The following PPP2R2B variants were observed in gnomAD, a reference collection of about 807,000 sequenced individuals.
PPP2R2B encodes the protein protein phosphatase 2 regulatory subunit Bbeta, also known as serine/threonine-protein phosphatase 2A 55 kDa regulatory subunit B beta isoform.
In PPP2R2B, 5 loss-of-function variants were observed where a neutral mutation model predicts 46.0. The ratio of observed to expected loss-of-function variants is 0.11; its 90% CI spans 0.06 to 0.23. The LOEUF (loss-of-function observed/expected upper bound fraction) is 0.23. Among genes scored for constraint, PPP2R2B ranks in the 10% least tolerant of loss-of-function variants. PPP2R2B has a pLI of 1.00. For missense variants in PPP2R2B, 367 were observed against 575.0 expected (o/e 0.64, Z 3.70); for synonymous variants, 215 against 206.7 (o/e 1.04, Z -0.34).
chr5:146,702,192 A>G (rs1239992242), intron 2 of PPP2R2B, among the ~76,000 whole-genome samples: 1 of 152,158 alleles, frequency 6.6e-6, no homozygotes, highest in Non-Finnish European at 1.5e-5. Context: ...CCCCTGAGTA[A>G]TTCTGATCTC....
At chr5:146,754,169 A>G (rs1023407514) in intron 2 of PPP2R2B, among the ~76,000 whole-genome samples, 4 of 152,212 alleles carry the variant, frequency 2.6e-5, no homozygotes, top group Non-Finnish European at 5.9e-5. Flanking sequence ...TCTGGAGGGC[A>G]ATTTAGCCAT....
intron 1 of PPP2R2B, among the ~76,000 whole-genome samples, chr5:146,912,663 C>T (rs978360334): frequency 6.6e-6 from 1 of 151,888 alleles, no homozygotes; most frequent in African/African-American, 2.4e-5. Context: ...TGCCACCATG[C>T]CTGGCTAATT....
At chr5:146,632,075 C>T (rs1164413769) in intron 7 of PPP2R2B, among the ~76,000 whole-genome samples, 3 of 138,538 alleles carry the variant, frequency 2.2e-5, no homozygotes, top group African/African-American at 7.8e-5. Flanking sequence ...CCCCCCCCGC[C>T]CATTCATATA....
intron 2 of PPP2R2B, among the ~76,000 whole-genome samples, chr5:146,701,377 G>A (rs749265390): frequency 6.6e-6 from 1 of 152,114 alleles, no homozygotes. Context: ...AGAATAAAAG[G>A]GAAAAACACA....
At chr5:146,938,463 C>A (rs1376468979) in intron 1 of PPP2R2B, among the ~76,000 whole-genome samples, 1 of 152,064 alleles carries the variant, frequency 6.6e-6, no homozygotes, top group African/African-American at 2.4e-5. Flanking sequence ...GCAATTATAT[C>A]TCTAAGTCTG....
At chr5:146,979,540 T>A (rs1561553341) in intron 1 of PPP2R2B, among the ~76,000 whole-genome samples, 1 of 148,268 alleles carries the variant, frequency 6.7e-6, no homozygotes, top group Non-Finnish European at 1.5e-5. Flanking sequence ...GAACCAATAT[T>A]GAATCTTCCC....
intron 2 of PPP2R2B, among the ~76,000 whole-genome samples, chr5:146,849,093 C>G (rs1760185711): frequency 6.6e-6 from 1 of 152,082 alleles, no homozygotes; most frequent in African/African-American, 2.4e-5. Context: ...GACTCATATA[C>G]TTCCTTTGCT....
At chr5:146,810,723 T>C (rs1245677418) in intron 2 of PPP2R2B, among the ~76,000 whole-genome samples, 6 of 151,932 alleles carry the variant, frequency 3.9e-5, no homozygotes, top group African/African-American at 1.4e-4. Context: ...TTCTTTTTAA[T>C]ATATATATTT....
At chr5:147,040,012 A>G (rs1360188503) in intron 1 of PPP2R2B, among the ~76,000 whole-genome samples, 1 of 152,160 alleles carries the variant, frequency 6.6e-6, no homozygotes, top group East Asian at 1.9e-4. Flanking sequence ...TGTTTTACGT[A>G]TCTTATTTCA....
At chr5:146,908,525 A>ATTTT (rs60166631) in intron 1 of PPP2R2B, among the ~76,000 whole-genome samples, 13 of 143,114 alleles carry the variant, frequency 9.1e-5, no homozygotes, top group African/African-American at 3.1e-4. Context: ...AAATTGTTAG[A>ATTTT]TTTTTTTTTT....
intron 1 of PPP2R2B, among the ~76,000 whole-genome samples, chr5:146,896,644 G>A (rs900791705): frequency 2.6e-5 from 4 of 151,748 alleles, no homozygotes; most frequent in East Asian, 1.9e-4. Flanking sequence ...AAATAAACCC[G>A]TAGACATTTT....
intron 1 of PPP2R2B, among the ~76,000 whole-genome samples, chr5:146,885,719 C>G (rs886503311): frequency 6.6e-6 from 1 of 152,088 alleles, no homozygotes; most frequent in South Asian, 2.1e-4. Context: ...GGAAACAACC[C>G]AAAATGTCCA....
intron 1 of PPP2R2B, among the ~76,000 whole-genome samples, chr5:146,963,875 T>C (rs1353294575): frequency 1.3e-5 from 2 of 152,214 alleles, no homozygotes; most frequent in Non-Finnish European, 2.9e-5. Context: ...AAATATTGTA[T>C]AAAAGGAGTT....
chr5:146,745,202 GAGAGAAA>G (rs1753113414), intron 2 of PPP2R2B, among the ~76,000 whole-genome samples: 1 of 107,934 alleles, frequency 9.3e-6, no homozygotes, highest in Non-Finnish European at 1.9e-5. Context: ...GAGAGAGAGA[GAGAGAAA>G]GAGACTATAA....
At chr5:146,848,535 T>A (rs139241211) in intron 2 of PPP2R2B, among the ~76,000 whole-genome samples, 48 of 152,150 alleles carry the variant, frequency 3.2e-4, no homozygotes, top group African/African-American at 1.1e-3. Context: ...CCAGTGGAAT[T>A]TATTTGATGT....
rs537768155 is a variant in PPP2R2B, at chr5:146,833,490, CA to C, written c.70+44511del. On this transcript the variant is annotated intron_variant, in intron 2 of 9. Transcript: ENST00000394411. ...TTCCCCCAGCCTATTTCAACACTGGCAATGAAAACATGGCATTTTTCACCTT... is the reference window on the plus strand; with the variant it reads ...TTCCCCCAGCCTATTTCAACACTGGCATGAAAACATGGCATTTTTCACCTT... Among the ~76,000 whole-genome samples the C allele has an allele frequency of 3.3e-5, 5 of 152,276 alleles. No homozygotes were observed. The South Asian group carries it at 1.0e-3, about 32-fold the overall frequency.
At chr5:146,901,612 AG>A (rs375243659) in intron 1 of PPP2R2B, among the ~76,000 whole-genome samples, 59 of 152,220 alleles carry the variant, frequency 3.9e-4, no homozygotes, top group African/African-American at 1.3e-3. Context: ...ATTATACCTG[AG>A]GTCCTAGATG....
chr5:146,833,103 G>T (rs560749853), intron 2 of PPP2R2B, among the ~76,000 whole-genome samples: 2 of 151,762 alleles, frequency 1.3e-5, no homozygotes, highest in Admixed American at 1.3e-4. Flanking sequence ...AACTTCACAG[G>T]CTGCTTTCAT....
intron 7 of PPP2R2B, among the ~76,000 whole-genome samples, chr5:146,610,071 T>A (rs1455984385): frequency 1.4e-5 from 1 of 71,748 alleles, no homozygotes. Flanking sequence ...AAGACAGCAG[T>A]AACCTCTGCA....
Sources: gnomAD v4.1 joint callset for allele counts (sites outside exome capture counted in the v4.1 genomes callset) on GRCh38, gnomAD v4.1.1 for gene constraint, MANE v1.5 for transcripts, NCBI Gene and HGNC (gene_info 2026-07-23, HGNC 2026-07-21) for gene names.